The following ETV5 variants were observed in gnomAD, a reference collection of about 807,000 sequenced individuals.
The protein encoded by ETV5 is ETS translocation variant 5.
A neutral mutation model predicts 70.0 loss-of-function variants in ETV5; 10 were observed. The ratio of observed to expected loss-of-function variants is 0.14; its 90% CI spans 0.09 to 0.24. ETV5 has a LOEUF of 0.24. Among genes scored for constraint, ETV5 ranks in the 10% least tolerant of loss-of-function variants. ETV5 has a pLI of 1.00. For missense variants in ETV5, 453 were observed against 651.2 expected (o/e 0.70, Z 3.31); for synonymous variants, 216 against 242.2 (o/e 0.89, Z 1.01).
intron 1 of ETV5, 194 bp downstream of exon 1, chr3:186,108,746 G>A (rs544577190): frequency 2.1e-6 from 2 of 962,940 alleles, no homozygotes. Flanking sequence ...GCACCCGCCC[G>A]ACGCCTCCCA....
At position 186,057,616 on chromosome 3, in the gene ETV5, T is replaced by C. The variant is rs1167749711; in HGVS notation, c.971-125A>G. The C allele has an allele frequency of 3.7e-6, 3 of 815,046 alleles. No homozygotes were observed. Among genetic ancestry groups the C allele is most frequent in the Non-Finnish European group, 6.2e-6 (3 of 485,374 alleles). 50.5% of individuals were successfully genotyped at this position (815,046 alleles called of 1,614,324 possible). ...ATCCTAAGTCCTACTGCTGTATCTATGGCAGACTGAATTTTCAGGGACTTC... is the reference window on the plus strand; with the variant it reads ...ATCCTAAGTCCTACTGCTGTATCTACGGCAGACTGAATTTTCAGGGACTTC... On this transcript the variant is annotated intron_variant, in intron 9 of 12. Coordinates refer to ENST00000306376, the MANE Select transcript of ETV5 (RefSeq NM_004454.3). This position sits in a 1 kb window ranked among gnomAD's most constrained non-coding sequence, Gnocchi z 4.9.
intron 5 of ETV5, among the ~76,000 whole-genome samples, chr3:186,093,802 G>C (rs1263538006): frequency 6.6e-6 from 1 of 152,190 alleles, no homozygotes; most frequent in Admixed American, 6.5e-5. Flanking sequence ...AGGACAGACA[G>C]GGGGAAAGAT....
At chr3:186,066,107 G>C (rs1227337855) in intron 7 of ETV5, 35 bp from the exon 8 acceptor site, 6 of 1,523,718 alleles carry the variant, frequency 3.9e-6, no homozygotes, top group Non-Finnish European at 4.4e-6. Context: ...GTTGAACAAA[G>C]ACTTGATGAA....
At chr3:186,071,128 T>C (rs1233934737) in intron 7 of ETV5, among the ~76,000 whole-genome samples, 1 of 152,184 alleles carries the variant, frequency 6.6e-6, no homozygotes, top group African/African-American at 2.4e-5. Flanking sequence ...ATGAAAACCG[T>C]TAGATGCTTT....
chr3:186,064,154 C>T (rs1458884866), intron 9 of ETV5: 5 of 481,100 alleles, frequency 1.0e-5, no homozygotes, highest in Non-Finnish European at 1.9e-5. Flanking sequence ...AATGGCAGCC[C>T]TCACAGGGCT....
At chr3:186,062,033 C>T (rs1713316612) in intron 9 of ETV5, among the ~76,000 whole-genome samples, 3 of 152,242 alleles carry the variant, frequency 2.0e-5, no homozygotes, top group South Asian at 2.1e-4. Flanking sequence ...AACTTAGCTT[C>T]AAGAATCAAG....
At chr3:186,107,607 A>T (rs1047320450) in intron 1 of ETV5, among the ~76,000 whole-genome samples, 8 of 152,252 alleles carry the variant, frequency 5.3e-5, no homozygotes, top group African/African-American at 1.9e-4. Context: ...TAATTTTTTT[A>T]AAAGCCTGAA....
Position 186,105,544 on chromosome 3 carries a change from G to C in ETV5, c.134-48C>G. The C allele has an allele frequency of 1.2e-6, 2 of 1,612,224 alleles. No individual in the cohort carries two copies. Among genetic ancestry groups the C allele is most frequent in the Non-Finnish European group, 1.7e-6 (2 of 1,178,316 alleles). On this transcript the variant is annotated intron_variant, in intron 3 of 12. Coordinates refer to ENST00000306376, the MANE Select transcript of ETV5 (RefSeq NM_004454.3). The surrounding 1 kb of genome is among the most constrained non-coding windows in gnomAD (Gnocchi z 4.5). ...CAGAATGAGGATATTTCTTTCGCTA[G>C]GGAGAAGACAGGGAAGAATCTACAC... is the stretch of plus-strand genomic sequence containing the variant.
chr3:186,105,553 C>T lies in ETV5; in HGVS notation c.134-57G>A. The stretch of plus-strand genomic sequence containing the variant: ...GATATTTCTTTCGCTAGGGAGAAGA[C>T]AGGGAAGAATCTACACGCTACTGTC... On this transcript the variant is annotated intron_variant, in intron 3 of 12. Coordinates refer to ENST00000306376, the MANE Select transcript of ETV5 (RefSeq NM_004454.3). The surrounding 1 kb of genome is among the most constrained non-coding windows in gnomAD (Gnocchi z 4.5). 6.2e-7 allele frequency: 1 copy of T among 1,612,322 alleles called. No homozygotes were observed. The highest frequency in any genetic ancestry group is 1.1e-5 in the South Asian group (1 of 91,016).
chr3:186,048,792 C>A lies in ETV5; in HGVS notation c.1380G>T (p.Pro460=). ...DPDALFSMAF[P]DNQRPFLKAE... ...CCTTCAGGAACGGACGCTGGTTATC[C>A]GGGAAAGCCATGGAGAAGAGGGCAT... The change falls in exon 13 of 13, where the codon CCG becomes CCT. Residue 460 remains proline, a synonymous_variant. Transcript: ENST00000306376. 1 of 1,614,078 alleles carries A rather than the reference C, an allele frequency of 6.2e-7. No homozygotes were observed. The highest frequency in any genetic ancestry group is 8.5e-7 in the Non-Finnish European group (1 of 1,180,010).
intron 5 of ETV5, among the ~76,000 whole-genome samples, chr3:186,083,031 G>T (rs1253124923): frequency 6.6e-6 from 1 of 152,180 alleles, no homozygotes; most frequent in Admixed American, 6.5e-5. Context: ...TTTTTTGATG[G>T]TGACATCATG....
chr3:186,074,883 G>C (rs111447011), intron 7 of ETV5, among the ~76,000 whole-genome samples: 2,544 of 112,400 alleles, frequency 0.023, 70 homozygotes, highest in African/African-American at 0.08. Flanking sequence ...AAAAAAAAAA[G>C]AATAAACAAG....
chr3:186,059,068 G>A (rs768129170), intron 9 of ETV5, among the ~76,000 whole-genome samples: 1 of 151,126 alleles, frequency 6.6e-6, no homozygotes, highest in Admixed American at 6.6e-5. Context: ...GGAAAAATCC[G>A]TGAGTAAAGG....
At position 186,079,666 on chromosome 3, in the gene ETV5, G is replaced by A. The variant is rs145224411; in HGVS notation, c.650+151C>T. 5.6e-6 allele frequency: 4 copies of A among 718,746 alleles called. No individual in the cohort carries two copies. The East Asian group carries it at 8.8e-5, about 16-fold the overall frequency. 44.5% of individuals were successfully genotyped at this position (718,746 alleles called of 1,614,324 possible). A position where few individuals can be genotyped will look rare whatever the true frequency, so the allele number is the denominator to read the frequency against. ...GGGTGGTATATAAACAGTCATATTC[G>A]TATTATCATTAGTCTTGCCTCACAA... is the stretch of plus-strand genomic sequence containing the variant. On this transcript the variant is annotated intron_variant, in intron 7 of 12. Transcript: ENST00000306376.
chr3:186,057,419 T>C lies in ETV5; in HGVS notation c.1039+4A>G. Reference sequence around the variant, plus strand: ...GGCAACAAACCTTGGATGGGGCTACTTACCTTCCAGTCTCTCAGGCACAAC... The same window carrying C: ...GGCAACAAACCTTGGATGGGGCTACCTACCTTCCAGTCTCTCAGGCACAAC... On this transcript the variant is annotated splice_donor_region_variant and intron_variant, in intron 10 of 12. Coordinates refer to ENST00000306376, the MANE Select transcript of ETV5 (RefSeq NM_004454.3). The surrounding 1 kb of genome is among the most constrained non-coding windows in gnomAD (Gnocchi z 4.9). 2 of 1,614,058 alleles carry C rather than the reference T, an allele frequency of 1.2e-6. No homozygotes were observed. The highest frequency in any genetic ancestry group is 1.7e-6 in the Non-Finnish European group (2 of 1,179,882).
At chr3:186,056,877 C>T (rs939873250) in intron 11 of ETV5, among the ~76,000 whole-genome samples, 198 bp downstream of exon 11, 2 of 152,196 alleles carry the variant, frequency 1.3e-5, no homozygotes, top group Non-Finnish European at 2.9e-5. Flanking sequence ...GTATTCTACA[C>T]TGGAGAACTC....
At position 186,081,038 on chromosome 3, in the gene ETV5, C is replaced by A; in HGVS notation, c.362+8G>T. The A allele has an allele frequency of 6.2e-7, 1 of 1,604,274 alleles. No individual in the cohort carries two copies. The highest frequency in any genetic ancestry group is 8.5e-7 in the Non-Finnish European group (1 of 1,174,620). ...GCAGCCTTTCTTCGACTCCTCTTGC[C>A]CACTCACCAATAGTTGTAGAGGCAC... On this transcript the variant is annotated splice_region_variant and intron_variant, in intron 6 of 12. Transcript: ENST00000306376.
At chr3:186,084,880 T>C (rs1488229183) in intron 5 of ETV5, among the ~76,000 whole-genome samples, 1 of 152,134 alleles carries the variant, frequency 6.6e-6, no homozygotes, top group Non-Finnish European at 1.5e-5. Flanking sequence ...CACTTACACC[T>C]GTTTAACAGA....
chr3:186,050,373 T>C (rs1424732051), intron 12 of ETV5, among the ~76,000 whole-genome samples: 4 of 152,134 alleles, frequency 2.6e-5, no homozygotes, highest in Admixed American at 1.3e-4. Context: ...CTCATTTCCA[T>C]TGGTTCAAGT....
Sources: allele counts gnomAD v4.1 joint callset (sites outside exome capture counted in the v4.1 genomes callset), GRCh38; gene constraint gnomAD v4.1.1; non-coding constraint Gnocchi (gnomAD v3.1); transcripts MANE v1.5; gene names NCBI Gene and HGNC (gene_info 2026-07-23, HGNC 2026-07-21).